The following CTNNA2 variants were observed in gnomAD, a reference collection of about 807,000 sequenced individuals.
CTNNA2 encodes the protein catenin alpha 2.
CTNNA2 carries 42 observed loss-of-function variants against 101.0 expected under a neutral mutation model. The observed-to-expected ratio is 0.42, with a 90% CI of 0.32 to 0.54. CTNNA2 has a LOEUF of 0.54. CTNNA2 is among the 20% of genes least tolerant of loss of function. The probability of loss-of-function intolerance (pLI) is 0.14; values close to 1 mark genes in which losing one functional copy is unlikely to be tolerated. For missense variants in CTNNA2, 871 were observed against 1,223.1 expected (o/e 0.71, Z 4.29); for synonymous variants, 450 against 456.4 (o/e 0.99, Z 0.18).
intron 3 of CTNNA2, among the ~76,000 whole-genome samples, chr2:79,850,652 G>A (rs1227609275): frequency 6.6e-6 from 1 of 152,152 alleles, no homozygotes; most frequent in African/African-American, 2.4e-5. Context: ...GATTTTGAAT[G>A]CCTACTTCAC....
At chr2:80,063,324 A>G (rs544941926) in intron 7 of CTNNA2, among the ~76,000 whole-genome samples, 13 of 151,896 alleles carry the variant, frequency 8.6e-5, no homozygotes, top group Admixed American at 1.3e-4. Flanking sequence ...TATCAATCCC[A>G]TTGTTTTCTA....
intron 8 of CTNNA2, among the ~76,000 whole-genome samples, chr2:80,393,632 C>T (rs1677730582): frequency 6.6e-6 from 1 of 152,170 alleles, no homozygotes; most frequent in Non-Finnish European, 1.5e-5. Flanking sequence ...CTGGTTCTTA[C>T]TTATCAAACT....
intron 9 of CTNNA2, among the ~76,000 whole-genome samples, chr2:80,530,377 G>A (rs1009465474): frequency 1.3e-5 from 2 of 152,172 alleles, no homozygotes; most frequent in African/African-American, 4.8e-5. Context: ...ACTCAACAAG[G>A]GAGCTTCCAG....
At chr2:79,304,623 G>A (rs1027952793) in intron 2 of CTNNA2, among the ~76,000 whole-genome samples, 8 of 152,098 alleles carry the variant, frequency 5.3e-5, no homozygotes, top group African/African-American at 1.9e-4. Flanking sequence ...CTCCCTCAAT[G>A]GTTCTTTTTC....
intron 2 of CTNNA2, among the ~76,000 whole-genome samples, chr2:79,218,013 C>T (rs1370763316): frequency 6.6e-6 from 1 of 152,126 alleles, no homozygotes; most frequent in African/African-American, 2.4e-5. Context: ...AAATAAAAAC[C>T]TATTTCTTCC....
intron 12 of CTNNA2, among the ~76,000 whole-genome samples, chr2:80,561,433 T>G (rs1412730093): frequency 6.6e-6 from 1 of 152,202 alleles, no homozygotes; most frequent in Non-Finnish European, 1.5e-5. Context: ...TCTGTATAAT[T>G]TTTCCTAAAA....
chr2:79,395,299 T>G (rs2861845), intron 4 of CTNNA2, among the ~76,000 whole-genome samples: 120,896 of 151,608 alleles, frequency 0.8, 48,397 homozygotes, highest in East Asian at 0.96. Flanking sequence ...GTGCAGGTTT[T>G]TTACATATGT....
intron 7 of CTNNA2, among the ~76,000 whole-genome samples, chr2:80,016,625 T>G (rs1033296680): frequency 4.6e-5 from 7 of 152,246 alleles, no homozygotes; most frequent in African/African-American, 1.7e-4. Context: ...GTGGTTGACT[T>G]AGAGGATCAG....
chr2:79,884,674 C>G (rs1301961042), intron 6 of CTNNA2, among the ~76,000 whole-genome samples: 1 of 151,962 alleles, frequency 6.6e-6, no homozygotes, highest in African/African-American at 2.4e-5. Flanking sequence ...GTTCCCCGTC[C>G]TATTTTTACC....
intron 12 of CTNNA2, among the ~76,000 whole-genome samples, chr2:80,559,311 G>A (rs867357525): frequency 6.6e-6 from 1 of 152,182 alleles, no homozygotes; most frequent in Non-Finnish European, 1.5e-5. Context: ...GACTGAACTG[G>A]ATGTTGCTGC....
chr2:79,272,721 T>G (rs1675116858), intron 2 of CTNNA2, among the ~76,000 whole-genome samples: 1 of 152,100 alleles, frequency 6.6e-6, no homozygotes, highest in South Asian at 2.1e-4. Flanking sequence ...TTACACCCAT[T>G]TATTTTCATC....
chr2:79,926,809 G>T (rs187778409), intron 7 of CTNNA2, among the ~76,000 whole-genome samples: 1 of 151,714 alleles, frequency 6.6e-6, no homozygotes, highest in Admixed American at 6.6e-5. Context: ...TAAATAATAT[G>T]CAATAGAATG....
At position 80,555,756 on chromosome 2, in the gene CTNNA2, C is replaced by G. The variant is rs758663416; in HGVS notation, c.1604C>G (p.Thr535Ser). 1 of 1,592,716 alleles carries G rather than the reference C, an allele frequency of 6.3e-7. No individual in the cohort carries two copies. ...VIALQEGDVD[T>S]LDRTAGAIRG... ...GCCCTCCAAGAGGGCGATGTGGACA[C>G]TCTGGACCGGACTGCAGGGGCCATC... The change falls in exon 12 of 19, where the codon ACT becomes AGT. Residue 535 changes from threonine to serine, a missense_variant. Thr to Ser is a moderately conservative substitution (Grantham distance 58). Around this residue, in one of 5 missense-constraint regions of CTNNA2, gnomAD observed 647 missense variants for 831.5 expected, o/e 0.78. Transcript: ENST00000402739.
chr2:79,440,501 T>A (rs1167525654), intron 4 of CTNNA2, among the ~76,000 whole-genome samples: 1 of 152,168 alleles, frequency 6.6e-6, no homozygotes, highest in East Asian at 1.9e-4. Flanking sequence ...GAAATAGATA[T>A]GCTATGTTTG....
chr2:79,302,580 G>T (rs1676138087), intron 2 of CTNNA2, among the ~76,000 whole-genome samples: 1 of 152,136 alleles, frequency 6.6e-6, no homozygotes, highest in African/African-American at 2.4e-5. Flanking sequence ...TATCTTGAGA[G>T]GGTTGTCTAG....
intron 7 of CTNNA2, among the ~76,000 whole-genome samples, chr2:80,328,073 T>TTGA (rs1670984069): frequency 2.0e-5 from 3 of 152,240 alleles, no homozygotes; most frequent in Non-Finnish European, 4.4e-5. Flanking sequence ...AAGTGAACAG[T>TTGA]TGATGATTCT....
At chr2:79,384,905 T>G (rs139855293) in intron 4 of CTNNA2, among the ~76,000 whole-genome samples, 1 of 152,320 alleles carries the variant, frequency 6.6e-6, no homozygotes, top group East Asian at 1.9e-4. Context: ...TTAAAAGGCA[T>G]TTGTTGTATT....
chr2:79,711,324 A>G (rs1282059166), intron 2 of CTNNA2, among the ~76,000 whole-genome samples: 1 of 152,108 alleles, frequency 6.6e-6, no homozygotes, highest in Non-Finnish European at 1.5e-5. Flanking sequence ...TTCTGCTATT[A>G]CTTTGCTTGG....
At position 79,345,859 on chromosome 2, in the gene CTNNA2, AT is replaced by A. The variant is rs71385269; in HGVS notation, c.-317-27953del. Among the ~76,000 whole-genome samples the A allele has an allele frequency of 7.1e-3, 926 of 130,546 alleles. 3 individuals carry two copies. The highest frequency in any genetic ancestry group is 0.012 in the African/African-American group (426 of 34,814). The allele number at this position is 130,546 out of a possible 152,430, so 85.6% of individuals were successfully genotyped here. A position where few individuals can be genotyped will look rare whatever the true frequency, so the allele number is the denominator to read the frequency against. ...AGGCGCCAGCCATCACGCCCGGTTG[AT>A]TTTTTTTTTTTTTTTTTTAATACAG... On this transcript the variant is annotated intron_variant, in intron 3 of 21. Coordinates refer to the CTNNA2 transcript ENST00000466387.
Sources: gnomAD v4.1 joint callset for allele counts (sites outside exome capture counted in the v4.1 genomes callset) on GRCh38, gnomAD v4.1.1 for gene constraint, gnomAD v4.1.1 regional missense constraint, MANE v1.5 for transcripts, NCBI Gene and HGNC (gene_info 2026-07-23, HGNC 2026-07-21) for gene names.